Variants in ZNF385D observed in about 807,000 individuals in gnomAD.
ZNF385D encodes the protein zinc finger protein 385D.
Under a neutral mutation model 35.8 loss-of-function variants are expected in ZNF385D, and 15 were observed. The observed-to-expected ratio is 0.42, with a 90% confidence interval of 0.28 to 0.64. The LOEUF is 0.64. Ranked by LOEUF, ZNF385D falls within the 30% of genes least tolerant of loss-of-function variation. The pLI, the probability that ZNF385D is intolerant of heterozygous loss-of-function variation, is 0.23. For missense variants in ZNF385D, 474 were observed against 494.6 expected, an observed-to-expected ratio of 0.96 and a Z score of 0.39; for synonymous variants, 212 against 186.8, an observed-to-expected ratio of 1.13 and a Z score of -1.10.
At chr3:21,976,641 C>A (rs1458313441) in intron 3 of ZNF385D, among the ~76,000 whole-genome samples, 1 of 152,138 alleles carries the variant, frequency 6.6e-6, no homozygotes, top group Non-Finnish European at 1.5e-5. Flanking sequence ...TCCATTAACT[C>A]CAGAATTGGT....
chr3:22,248,675 AAATT>A (rs1699914939), intron 2 of ZNF385D, among the ~76,000 whole-genome samples: 2 of 152,086 alleles, frequency 1.3e-5, no homozygotes, highest in Non-Finnish European at 2.9e-5. Flanking sequence ...TCTACAGGGG[AAATT>A]AATTCCTATC....
chr3:21,929,226 CAT>C (rs1421286423), intron 3 of ZNF385D, among the ~76,000 whole-genome samples: 28 of 152,014 alleles, frequency 1.8e-4, no homozygotes, highest in African/African-American at 4.8e-4. Context: ...ACGAAAACCA[CAT>C]GATTCTTTAG....
intron 3 of ZNF385D, among the ~76,000 whole-genome samples, chr3:21,773,797 A>G (rs996572236): frequency 6.6e-6 from 1 of 152,022 alleles, no homozygotes; most frequent in African/African-American, 2.4e-5. Context: ...TTGTGGAGAA[A>G]AAGGAATGCT....
At chr3:21,483,548 C>T (rs1704801565) in intron 4 of ZNF385D, among the ~76,000 whole-genome samples, 1 of 152,100 alleles carries the variant, frequency 6.6e-6, no homozygotes. Context: ...TATAAAACTC[C>T]CTGATGCTCT....
At chr3:21,811,160 T>C (rs1029677849) in intron 3 of ZNF385D, among the ~76,000 whole-genome samples, 2 of 152,150 alleles carry the variant, frequency 1.3e-5, no homozygotes, top group African/African-American at 4.8e-5. Context: ...AATATCCGTA[T>C]AAACTCATTG....
At chr3:21,612,993 C>T (rs1478065) in intron 2 of ZNF385D, among the ~76,000 whole-genome samples, 1 of 137,256 alleles carries the variant, frequency 7.3e-6, no homozygotes, top group Non-Finnish European at 1.6e-5. Context: ...TTTCTTTTTT[C>T]TTTTTTTTTT....
Position 21,903,310 on chromosome 3 carries a change from G to A in ZNF385D, c.326-238282C>T, listed in dbSNP as rs143422981. Among the ~76,000 whole-genome samples the A allele has an allele frequency of 4.5e-3, 680 of 152,238 alleles. 8 individuals carry two copies. Among genetic ancestry groups the A allele is most frequent in the African/African-American group, 0.015 (613 of 41,544 alleles). Reference sequence around the variant, plus strand: ...TTATAGAATTAGATGAGTATGAGGAGACTTACTTCAGGGATCACAGCAGGG... The same window carrying A: ...TTATAGAATTAGATGAGTATGAGGAAACTTACTTCAGGGATCACAGCAGGG... On this transcript the variant is annotated intron_variant, in intron 3 of 5. Transcript: ENST00000494108.
At chr3:22,112,065 C>T (rs950636011) in intron 3 of ZNF385D, among the ~76,000 whole-genome samples, 16 of 152,278 alleles carry the variant, frequency 1.1e-4, no homozygotes, top group Admixed American at 9.2e-4. Flanking sequence ...ATTTACTTTA[C>T]TTGAGCACTG....
At chr3:22,066,402 G>A (rs1305684178) in intron 3 of ZNF385D, among the ~76,000 whole-genome samples, 2 of 149,558 alleles carry the variant, frequency 1.3e-5, no homozygotes, top group Non-Finnish European at 3.0e-5. Flanking sequence ...TGGGTGAGAT[G>A]GTTCCCTGTG....
chr3:21,902,584 G>A (rs934469666), intron 3 of ZNF385D, among the ~76,000 whole-genome samples: 6 of 152,168 alleles, frequency 3.9e-5, no homozygotes, highest in African/African-American at 1.2e-4. Flanking sequence ...TTCTCCAGGA[G>A]TAGAAATTAA....
At chr3:21,896,624 G>A (rs1342703949) in intron 3 of ZNF385D, among the ~76,000 whole-genome samples, 1 of 152,006 alleles carries the variant, frequency 6.6e-6, no homozygotes, top group African/African-American at 2.4e-5. Context: ...ACTTGATTGT[G>A]GTACAAATTG....
At chr3:21,795,820 CAGA>C (rs1321341179) in intron 3 of ZNF385D, among the ~76,000 whole-genome samples, 3 of 152,306 alleles carry the variant, frequency 2.0e-5, no homozygotes, top group Middle Eastern at 3.4e-3. Context: ...TCAAATAGCA[CAGA>C]AGAAGAATGA....
intron 3 of ZNF385D, among the ~76,000 whole-genome samples, chr3:21,910,897 T>A (rs74375342): frequency 0.035 from 5,254 of 151,996 alleles, 684 homozygotes; most frequent in Admixed American, 0.22. Context: ...TTTTATTATG[T>A]TTGATAACTA....
chr3:22,349,154 G>C (rs1341173809), intron 2 of ZNF385D, among the ~76,000 whole-genome samples: 1 of 152,008 alleles, frequency 6.6e-6, no homozygotes, highest in African/African-American at 2.4e-5. Flanking sequence ...ATTAATCTTT[G>C]TATGCTGAGT....
intron 3 of ZNF385D, among the ~76,000 whole-genome samples, chr3:22,025,891 G>T (rs188528522): frequency 6.6e-6 from 1 of 152,144 alleles, no homozygotes; most frequent in Non-Finnish European, 1.5e-5. Flanking sequence ...CCGTGGCAAC[G>T]GCAGTCATTC....
intron 2 of ZNF385D, among the ~76,000 whole-genome samples, chr3:22,332,976 GTTCT>G (rs1327414258): frequency 2.7e-5 from 4 of 150,878 alleles, no homozygotes; most frequent in Admixed American, 6.6e-5. Flanking sequence ...ACTTTGATCA[GTTCT>G]TTCAGAGAAG....
intron 3 of ZNF385D, among the ~76,000 whole-genome samples, chr3:22,163,141 C>T (rs1328173530): frequency 6.6e-6 from 1 of 152,072 alleles, no homozygotes. Flanking sequence ...AGAGAAGGAA[C>T]GAGCTCAGAG....
intron 3 of ZNF385D, among the ~76,000 whole-genome samples, chr3:22,025,529 T>C (rs1356741419): frequency 6.6e-6 from 1 of 152,188 alleles, no homozygotes; most frequent in African/African-American, 2.4e-5. Context: ...TAGAGTTGGA[T>C]CAGGGTGAAT....
Position 21,630,934 on chromosome 3 carries a change from G to A in ZNF385D, c.165+33952C>T, listed in dbSNP as rs147803211. 2.2e-3 allele frequency among the ~76,000 whole-genome samples: 341 copies of A among 152,230 alleles called. 3 individuals are homozygous for A. Among genetic ancestry groups the A allele is most frequent in the Admixed American group, 0.018 (272 of 15,274 alleles). On this transcript the variant is annotated intron_variant, in intron 2 of 7. Transcript: ENST00000281523. ...GTAATTACCCAAGTCCACATAATTA[G>A]TAGGAGGTGAAGATACGATAAAAAT... is the stretch of plus-strand genomic sequence containing the variant.
Sources: allele counts gnomAD v4.1 joint callset (sites outside exome capture counted in the v4.1 genomes callset), GRCh38; gene constraint gnomAD v4.1.1; transcripts MANE v1.5; gene names NCBI Gene and HGNC (gene_info 2026-07-23, HGNC 2026-07-21).